Variants in SETD5 observed in about 807,000 individuals in gnomAD.
The protein encoded by SETD5 is SET domain containing 5.
SETD5 carries 44 observed loss-of-function variants against 153.3 expected under a neutral mutation model. The observed-to-expected ratio is 0.29, with a 90% confidence interval of 0.23 to 0.37. The LOEUF (loss-of-function observed/expected upper bound fraction) is 0.37, where lower values mean the gene tolerates loss of function less well. Among genes scored for constraint, SETD5 ranks in the 10% least tolerant of loss-of-function variants. SETD5 has a pLI of 1.00. For synonymous variants in SETD5, 716 were observed against 645.2 expected (o/e 1.11, Z -1.66); for missense variants, 1,544 against 1,768.0 (o/e 0.87, Z 2.27).
intron 16 of SETD5, among the ~76,000 whole-genome samples, 165 bp from the exon 17 acceptor site, chr3:9,453,574 G>A (rs2042876439): frequency 6.6e-6 from 1 of 152,108 alleles, no homozygotes; most frequent in Non-Finnish European, 1.5e-5. Context: ...GGAATTGATA[G>A]GACAATGTTC....
At chr3:9,468,590 A>G in intron 18 of SETD5, 1 of 1,304,224 alleles carries the variant, frequency 7.7e-7, no homozygotes, top group Non-Finnish European at 1.0e-6. Context: ...TTATCACACC[A>G]TCTCAATCAC....
chr3:9,457,016 A>G (rs529364797), intron 17 of SETD5, among the ~76,000 whole-genome samples: 1 of 151,326 alleles, frequency 6.6e-6, no homozygotes, highest in African/African-American at 2.4e-5. Context: ...GAAGAAAGAA[A>G]AGAGAAAAGA....
chr3:9,429,691 A>C, intron 3 of SETD5: 3 of 341,608 alleles, frequency 8.8e-6, no homozygotes, highest in Non-Finnish European at 1.6e-5. Flanking sequence ...ATACAACTTT[A>C]TATATATTAT....
chr3:9,440,620 G>A lies in SETD5; in HGVS notation c.732G>A (p.Val244=). ...EQHLHSSKEF[V]GKPTILDTIN... is the part of the protein sequence containing the mutation. ...ACCTACATTCTAGCAAGGAATTTGT[G>A]GGCAAACCTACTATTTTAGACACTA... is the stretch of plus-strand genomic sequence containing the variant. Residue 244 remains valine, a synonymous_variant, in exon 8 of 23, where the codon GTG becomes GTA. Coordinates refer to ENST00000402198, the MANE Select transcript of SETD5 (RefSeq NM_001080517.3). 6.2e-7 allele frequency: 1 copy of A among 1,613,898 alleles called. No homozygotes were observed. Among genetic ancestry groups the A allele is most frequent in the African/African-American group, 1.3e-5 (1 of 75,026 alleles).
chr3:9,442,109 AT>A lies in SETD5; in HGVS notation c.960-15del, dbSNP rs757424198. On this transcript the variant is annotated intron_variant, in intron 9 of 22. Coordinates refer to ENST00000402198, the MANE Select transcript of SETD5 (RefSeq NM_001080517.3). ...CTTATTTGTGTTGAGAATTACAGGAATTTTAATTGTATCCCTAGACCATACC... is the reference window on the plus strand; with the variant it reads ...CTTATTTGTGTTGAGAATTACAGGAATTTAATTGTATCCCTAGACCATACC... 3 of 1,534,964 alleles carry A rather than the reference AT, an allele frequency of 2.0e-6. No individual in the cohort carries two copies. Among genetic ancestry groups the A allele is most frequent in the Non-Finnish European group, 2.7e-6 (3 of 1,115,048 alleles).
chr3:9,436,708 G>A lies in SETD5; in HGVS notation c.567+802G>A, dbSNP rs1005293772. The A allele has an allele frequency of 6.1e-6, 4 of 652,734 alleles. No homozygotes were observed. In the East Asian group the frequency reaches 8.7e-5, roughly 14 times the overall value. 40.4% of individuals were successfully genotyped at this position (652,734 alleles called of 1,614,324 possible). On this transcript the variant is annotated intron_variant, in intron 7 of 22. Transcript: ENST00000402198. ...CCCCTATTCTTGGTAATAGTTTGGG[G>A]AATTCCATTGTATTTTTTACCTAGA...
At chr3:9,432,377 A>G (rs3912330) in intron 3 of SETD5, 23,944 of 614,776 alleles carry the variant, frequency 0.039, 714 homozygotes, top group Admixed American at 0.12. Context: ...TTCTCAATTG[A>G]CATTGCACCA....
At chr3:9,433,798 A>G (rs1386629933) in intron 3 of SETD5, 47 bp from the exon 4 acceptor site, 14 of 1,566,750 alleles carry the variant, frequency 8.9e-6, no homozygotes, top group Non-Finnish European at 1.2e-5. Flanking sequence ...AGTTTAAGGG[A>G]AGATTAGGTG....
rs754881237 is a variant in SETD5, at chr3:9,434,371, C to T, written c.215C>T (p.Ser72Leu). 23 of 1,613,776 alleles carry T rather than the reference C, an allele frequency of 1.4e-5. No homozygotes were observed. The highest frequency in any genetic ancestry group is 3.3e-5 in the Admixed American group (2 of 60,006). The change falls in exon 5 of 23, where the codon TCG (serine) becomes TTG (leucine). Residue 72 changes from serine (S) to leucine (L), a missense_variant. Physicochemically the swap from Ser to Leu is moderately radical, Grantham distance 145 (BLOSUM62 -2). This residue lies in a region of SETD5 where 251 missense variants were observed against 326.9 expected (regional missense o/e 0.77). Transcript: ENST00000402198. The surrounding 1 kb of genome is among the most constrained non-coding windows in gnomAD (Gnocchi z 5.6). ...IPRSDLNGLPSPVEERCGDSP... is the reference protein window; with the variant it reads ...IPRSDLNGLPLPVEERCGDSP... ...CGTTCTGACCTGAATGGCCTGCCGT[C>T]GCCTGTAGAGGAACGCTGTGGAGAC... is the stretch of plus-strand genomic sequence containing the variant.
In SETD5 at chr3:9,470,920, G is replaced by C; in HGVS notation, c.3186G>C (p.Gln1062His). The change falls in exon 19 of 23, where the codon CAG becomes CAC. Residue 1062 changes from glutamine (Q) to histidine (H), a missense_variant. Gln to His is a conservative substitution (Grantham distance 24). Around this residue, in one of 9 missense-constraint regions of SETD5, gnomAD observed 782 missense variants for 787.2 expected, o/e 0.99. Coordinates refer to ENST00000402198, the MANE Select transcript of SETD5 (RefSeq NM_001080517.3). ...GVPSAPQNPP[Q>H]RKKVSLLEYR... ...CATCTGCCCCCCAGAACCCACCACA[G>C]AGGAAAAAAGTAAGTGTTTCATGTT... 6.4e-7 allele frequency: 1 copy of C among 1,553,604 alleles called. No individual in the cohort carries two copies. The highest frequency in any genetic ancestry group is 8.7e-7 in the Non-Finnish European group (1 of 1,145,220).
At chr3:9,468,370 T>A in intron 18 of SETD5, 1 of 431,996 alleles carries the variant, frequency 2.3e-6, no homozygotes, top group Non-Finnish European at 4.2e-6. Context: ...AGTTCTGCAG[T>A]TAAATATTTC....
chr3:9,408,000 C>CAA (rs35771408), intron 1 of SETD5, among the ~76,000 whole-genome samples: 5,282 of 149,344 alleles, frequency 0.035, 333 homozygotes, highest in African/African-American at 0.12. Flanking sequence ...AACTATGTCT[C>CAA]AAAAAAAAAA....
At chr3:9,412,402 T>TG (rs1404540446) in intron 1 of SETD5, among the ~76,000 whole-genome samples, 1 of 141,556 alleles carries the variant, frequency 7.1e-6, no homozygotes, top group Non-Finnish European at 1.5e-5. Context: ...TTTTTTTTTT[T>TG]TTTTTTTTTT....
chr3:9,436,646 A>G (rs189981686), intron 7 of SETD5, among the ~76,000 whole-genome samples: 3 of 152,358 alleles, frequency 2.0e-5, no homozygotes, highest in South Asian at 4.1e-4. Context: ...AGTAGAAAGT[A>G]TTAAAATTAG....
intron 18 of SETD5, 88 bp downstream of exon 18, chr3:9,464,760 T>C (rs773730550): frequency 1.3e-6 from 2 of 1,588,736 alleles, no homozygotes. Flanking sequence ...TTCCAAATGT[T>C]TCTTTACTAT....
At chr3:9,426,682 C>T (rs1273088746) in intron 2 of SETD5, among the ~76,000 whole-genome samples, 1 of 151,572 alleles carries the variant, frequency 6.6e-6, no homozygotes, top group Non-Finnish European at 1.5e-5. Flanking sequence ...TGTGAGCCAC[C>T]GCGCCTGGCG....
chr3:9,462,990 A>G (rs1027079005), intron 17 of SETD5, among the ~76,000 whole-genome samples: 2 of 151,552 alleles, frequency 1.3e-5, no homozygotes, highest in Admixed American at 6.6e-5. Flanking sequence ...TGATCATGCT[A>G]ATACTAATGT....
At position 9,447,139 on chromosome 3, in the gene SETD5, G is replaced by T; in HGVS notation, c.1614G>T (p.Gln538His). ...RKKRRDQPLEQSNSDVEITTT... is the reference protein window; with the variant it reads ...RKKRRDQPLEHSNSDVEITTT... ...AGCGGCGGGATCAGCCCTTGGAACA[G>T]AGCAACTCTGATGTAGAGATTACTA... is the stretch of plus-strand genomic sequence containing the variant. The change falls in exon 14 of 23, where the codon CAG becomes CAT. Residue 538 changes from glutamine to histidine, a missense_variant. Gln to His is a conservative substitution (Grantham distance 24, BLOSUM62 0). This residue lies in a region of SETD5 where 782 missense variants were observed against 787.2 expected (regional missense o/e 0.99). Coordinates refer to ENST00000402198, the MANE Select transcript of SETD5 (RefSeq NM_001080517.3). The T allele has an allele frequency of 6.2e-7, 1 of 1,614,000 alleles. No homozygotes were observed. Among genetic ancestry groups the T allele is most frequent in the Non-Finnish European group, 8.5e-7 (1 of 1,179,898 alleles).
At chr3:9,451,400 A>T (rs2125324274) in intron 16 of SETD5, among the ~76,000 whole-genome samples, 1 of 152,270 alleles carries the variant, frequency 6.6e-6, no homozygotes, top group South Asian at 2.1e-4. Context: ...ATGTTTGGTA[A>T]CTTGTCCAAA....
Sources: gnomAD v4.1 joint callset for allele counts (sites outside exome capture counted in the v4.1 genomes callset) on GRCh38, gnomAD v4.1.1 for gene constraint, gnomAD v4.1.1 regional missense constraint, Gnocchi (gnomAD v3.1) non-coding constraint, MANE v1.5 for transcripts, NCBI Gene and HGNC (gene_info 2026-07-23, HGNC 2026-07-21) for gene names.